The following CMIP variants were observed in gnomAD, a reference collection of about 807,000 sequenced individuals.
CMIP encodes the protein c-Maf inducing protein, also known as C-Maf-inducing protein.
A neutral mutation model predicts 97.3 loss-of-function variants in CMIP; 13 were observed. That is an observed-to-expected ratio of 0.13 (90% CI 0.09 to 0.21). The LOEUF is 0.21. Among genes scored for constraint, CMIP ranks in the 10% least tolerant of loss-of-function variants. CMIP has a pLI of 1.00. For synonymous variants in CMIP, 538 were observed against 436.3 expected, an observed-to-expected ratio of 1.23 and a Z score of -2.91; for missense variants, 847 against 1,024.9, an observed-to-expected ratio of 0.83 and a Z score of 2.37.
chr16:81,463,199 T>C (rs578039271), intron 1 of CMIP, among the ~76,000 whole-genome samples: 49 of 152,326 alleles, frequency 3.2e-4, no homozygotes, highest in African/African-American at 1.2e-3. Context: ...TCCTTGGTTG[T>C]TAACATTTTA....
At chr16:81,593,442 C>T (rs576017759) in intron 1 of CMIP, among the ~76,000 whole-genome samples, 1 of 152,234 alleles carries the variant, frequency 6.6e-6, no homozygotes, top group East Asian at 1.9e-4. Flanking sequence ...GGGTCTCTGA[C>T]CCCAGGCCAT....
At chr16:81,573,101 C>G (rs981489150) in intron 1 of CMIP, among the ~76,000 whole-genome samples, 1 of 152,174 alleles carries the variant, frequency 6.6e-6, no homozygotes, top group African/African-American at 2.4e-5. Context: ...CCCAGCACTT[C>G]GGGAGGCCGA....
chr16:81,628,830 A>T (rs1398165428), intron 3 of CMIP, among the ~76,000 whole-genome samples: 2 of 152,080 alleles, frequency 1.3e-5, no homozygotes, highest in Non-Finnish European at 2.9e-5. Context: ...TAAGTCTCCC[A>T]TCACCACTAG....
At chr16:81,515,284 GACTC>G (rs2089891171) in intron 1 of CMIP, among the ~76,000 whole-genome samples, 1 of 152,216 alleles carries the variant, frequency 6.6e-6, no homozygotes, top group African/African-American at 2.4e-5. Flanking sequence ...GCCTCAAAAT[GACTC>G]ACAGCTGAAA....
chr16:81,621,039 C>A lies in CMIP; in HGVS notation c.477+113C>A. 1 of 1,338,722 alleles carries A rather than the reference C, an allele frequency of 7.5e-7. No homozygotes were observed. The highest frequency in any genetic ancestry group is 1.0e-6 in the Non-Finnish European group (1 of 960,118). The allele number at this position is 1,338,722 out of a possible 1,614,324, so 82.9% of individuals were successfully genotyped here. ...TGGAGAACTCATGCCTTCCAGATGGCTCAGCTGAGGAACTTTGTTCCCCTA... is the reference window on the plus strand; with the variant it reads ...TGGAGAACTCATGCCTTCCAGATGGATCAGCTGAGGAACTTTGTTCCCCTA... On this transcript the variant is annotated intron_variant, in intron 3 of 20. Transcript: ENST00000537098. This position sits in a 1 kb window ranked among gnomAD's most constrained non-coding sequence, Gnocchi z 4.1.
intron 2 of CMIP, chr16:81,610,596 G>A (rs918372825): frequency 7.5e-6 from 7 of 938,806 alleles, no homozygotes; most frequent in East Asian, 2.3e-4. Flanking sequence ...TGCCATTTCC[G>A]TCAGGGGAGG....
chr16:81,471,325 T>G (rs982120266), intron 1 of CMIP, among the ~76,000 whole-genome samples: 1 of 152,018 alleles, frequency 6.6e-6, no homozygotes, highest in Admixed American at 6.5e-5. Flanking sequence ...CGCACACATA[T>G]GCACACATAA....
chr16:81,568,298 T>A (rs1486530872), intron 1 of CMIP, among the ~76,000 whole-genome samples: 2 of 152,152 alleles, frequency 1.3e-5, no homozygotes, highest in Non-Finnish European at 2.9e-5. Context: ...CCTTTCCCTC[T>A]AACTTTCACC....
At chr16:81,696,355 C>T (rs1164913299) in intron 13 of CMIP, 2 of 620,688 alleles carry the variant, frequency 3.2e-6, no homozygotes, top group African/African-American at 1.8e-5. Flanking sequence ...CCAGAGTCCC[C>T]TGGGGTGTGG....
intron 3 of CMIP, among the ~76,000 whole-genome samples, chr16:81,644,656 T>C (rs1039589960): frequency 4.6e-5 from 7 of 152,338 alleles, no homozygotes; most frequent in African/African-American, 1.7e-4. Flanking sequence ...TTGCTGGAGA[T>C]AGCAAATTAT....
intron 1 of CMIP, among the ~76,000 whole-genome samples, chr16:81,539,452 A>T (rs1043133062): frequency 2.6e-5 from 4 of 152,132 alleles, no homozygotes; most frequent in African/African-American, 9.7e-5. Context: ...CTGCTCAATC[A>T]TTGTTTTCTG....
intron 1 of CMIP, among the ~76,000 whole-genome samples, chr16:81,451,286 G>A (rs969060883): frequency 8.5e-5 from 13 of 152,142 alleles, no homozygotes; most frequent in African/African-American, 3.1e-4. Flanking sequence ...GGGGAAACCC[G>A]TTTCGCCTAG....
intron 1 of CMIP, among the ~76,000 whole-genome samples, chr16:81,504,240 C>T (rs984600275): frequency 2.6e-5 from 4 of 151,942 alleles, no homozygotes; most frequent in East Asian, 3.9e-4. Flanking sequence ...GCAGGAGAAT[C>T]GCTTGAACCC....
chr16:81,670,546 A>T (rs2092672710), intron 8 of CMIP, among the ~76,000 whole-genome samples: 1 of 145,102 alleles, frequency 6.9e-6, no homozygotes, highest in African/African-American at 2.5e-5. Context: ...CCCCATAAAC[A>T]TAACCAAGAG....
intron 7 of CMIP, chr16:81,667,089 G>A (rs2092612245): frequency 6.6e-6 from 1 of 152,124 alleles, no homozygotes. Flanking sequence ...TCCTTAAGGA[G>A]GCACTCAGAC....
At chr16:81,504,105 C>A (rs1428455350) in intron 1 of CMIP, among the ~76,000 whole-genome samples, 1 of 152,204 alleles carries the variant, frequency 6.6e-6, no homozygotes, top group Non-Finnish European at 1.5e-5. Context: ...GGAGGCAGAT[C>A]ACTTGGGGTC....
chr16:81,698,017 C>T (rs983058714), intron 14 of CMIP: 3 of 131,908 alleles, frequency 2.3e-5, no homozygotes, highest in Non-Finnish European at 4.8e-5. Flanking sequence ...CCCCACCCTA[C>T]AATGTGAGGA....
intron 1 of CMIP, among the ~76,000 whole-genome samples, chr16:81,526,607 G>A (rs927026385): frequency 6.6e-6 from 1 of 152,208 alleles, no homozygotes; most frequent in Non-Finnish European, 1.5e-5. Flanking sequence ...ATTATGATCA[G>A]CTTCCTTTCC....
intron 1 of CMIP, among the ~76,000 whole-genome samples, chr16:81,602,280 C>T (rs1446908967): frequency 2.0e-5 from 3 of 152,192 alleles, no homozygotes; most frequent in Non-Finnish European, 4.4e-5. Flanking sequence ...ATTCTTTGTA[C>T]TGTATGATTT....
Sources: gnomAD v4.1 joint callset for allele counts (sites outside exome capture counted in the v4.1 genomes callset) on GRCh38, gnomAD v4.1.1 for gene constraint, Gnocchi (gnomAD v3.1) non-coding constraint, MANE v1.5 for transcripts, NCBI Gene and HGNC (gene_info 2026-07-23, HGNC 2026-07-21) for gene names.